Variants in SEPTIN11 observed in about 807,000 individuals in gnomAD.
SEPTIN11 encodes septin 11.
SEPTIN11 carries 25 observed loss-of-function variants against 51.4 expected under a neutral mutation model. That is an observed-to-expected ratio of 0.49 (90% CI 0.35 to 0.68). The LOEUF (loss-of-function observed/expected upper bound fraction) is 0.68, where lower values mean the gene tolerates loss of function less well. Ranked by LOEUF, SEPTIN11 falls within the 30% of genes least tolerant of loss-of-function variation. The pLI is 0.00. For missense variants in SEPTIN11, 381 were observed against 520.8 expected (o/e 0.73, Z 2.61); for synonymous variants, 174 against 184.1 (o/e 0.95, Z 0.44).
intron 8 of SEPTIN11, 92 bp from the exon 9 acceptor site, chr4:77,030,690 TG>T: frequency 8.3e-7 from 1 of 1,206,524 alleles, no homozygotes; most frequent in Non-Finnish European, 1.1e-6. Flanking sequence ...CCACCGTGCC[TG>T]GCCATGTTTT....
rs540176225 is a variant in SEPTIN11 at position 76,962,997 on chromosome 4, G to A, written c.27+13067G>A. On this transcript the variant is annotated intron_variant, in intron 1 of 9. Coordinates refer to ENST00000264893, the MANE Select transcript of SEPTIN11 (RefSeq NM_018243.4). Reference sequence around the variant, plus strand: ...GTGACTTGGCTTTTTGGCCCAAGTGGTGCATTCCAGCTATCCTTTGCTACT... The same window carrying A: ...GTGACTTGGCTTTTTGGCCCAAGTGATGCATTCCAGCTATCCTTTGCTACT... Among the ~76,000 whole-genome samples the A allele has an allele frequency of 8.3e-4, 126 of 152,280 alleles. 1 individual carries two copies. Among genetic ancestry groups the A allele is most frequent in the African/African-American group, 3.0e-3 (124 of 41,548 alleles).
At chr4:76,998,693 C>A (rs1256445379) in intron 2 of SEPTIN11, among the ~76,000 whole-genome samples, 5 of 152,158 alleles carry the variant, frequency 3.3e-5, no homozygotes, top group Admixed American at 3.3e-4. Context: ...CAACGAGCCC[C>A]ATCAGGCCTC....
chr4:76,965,024 C>G (rs144269001), intron 1 of SEPTIN11, among the ~76,000 whole-genome samples: 1 of 152,164 alleles, frequency 6.6e-6, no homozygotes, highest in Non-Finnish European at 1.5e-5. Flanking sequence ...ATTGCTAAGT[C>G]ATTCTTACCT....
chr4:76,956,993 T>TGTGA (rs769320568), intron 1 of SEPTIN11, among the ~76,000 whole-genome samples: 91 of 98,580 alleles, frequency 9.2e-4, no homozygotes, highest in Middle Eastern at 5.4e-3. Context: ...TGTGTGTGTG[T>TGTGA]GAGAGAGAGA....
At chr4:77,025,185 A>AAAGGGTATT (rs1457323055) in intron 7 of SEPTIN11, among the ~76,000 whole-genome samples, 1 of 152,210 alleles carries the variant, frequency 6.6e-6, no homozygotes, top group African/African-American at 2.4e-5. Context: ...CTCACTTAGA[A>AAAGGGTATT]AAGGGTATTA....
At position 77,036,325 on chromosome 4, in the gene SEPTIN11, ATAG is replaced by A; in HGVS notation, c.*1817_*1819del. On this transcript the variant is annotated 3_prime_UTR_variant, in exon 10 of 10. Coordinates refer to ENST00000264893, the MANE Select transcript of SEPTIN11 (RefSeq NM_018243.4). The stretch of plus-strand genomic sequence containing the variant: ...CTGGAGCTAACTGTGGAGCAGCCAA[ATAG>A]TAGCTGGCATGTTGATTCAAACCAT... The A allele has an allele frequency of 9.7e-7, 1 of 1,035,150 alleles. No individual in the cohort carries two copies. The highest frequency in any genetic ancestry group is 1.0e-4 in the East Asian group (1 of 9,708). The allele number at this position is 1,035,150 out of a possible 1,614,324, so 64.1% of individuals were successfully genotyped here.
At chr4:76,993,164 G>A (rs900604205) in intron 1 of SEPTIN11, among the ~76,000 whole-genome samples, 6 of 152,166 alleles carry the variant, frequency 3.9e-5, no homozygotes, top group Admixed American at 3.9e-4. Context: ...CAGAGTTGAT[G>A]GTGGGAGGGG....
At chr4:77,015,141 T>C in intron 5 of SEPTIN11, 124 bp downstream of exon 5, 1 of 805,628 alleles carries the variant, frequency 1.2e-6, no homozygotes, top group Non-Finnish European at 1.9e-6. Context: ...TAGTCCAGCT[T>C]TGCCACCACT....
rs767402064 is a variant in SEPTIN11, at chr4:77,030,738, G to A, written c.1087-45G>A. ...AGATCCAAAGAACTTTACATCAAAA[G>A]GATTTTCATTCCATTCACCAAGCCT... On this transcript the variant is annotated intron_variant, in intron 8 of 9. Transcript: ENST00000264893. 18 of 1,538,620 alleles carry A rather than the reference G, an allele frequency of 1.2e-5. No individual in the cohort carries two copies. In the Admixed American group the frequency reaches 4.1e-4, roughly 35 times the overall value.
chr4:77,039,405 A>G (rs201073151), downstream of SEPTIN11: 1,624 of 1,050,132 alleles, frequency 1.5e-3, 7 homozygotes, highest in East Asian at 9.3e-3. Flanking sequence ...GCTTAGAACT[A>G]TCATGTTCTT....
At chr4:77,010,461 T>G (rs1397201773) in intron 3 of SEPTIN11, among the ~76,000 whole-genome samples, 1 of 151,470 alleles carries the variant, frequency 6.6e-6, no homozygotes. Flanking sequence ...ATCCTACCTT[T>G]TTTTTTTTTT....
chr4:76,964,869 G>T (rs1366266822), intron 1 of SEPTIN11, among the ~76,000 whole-genome samples: 1 of 152,214 alleles, frequency 6.6e-6, no homozygotes, highest in African/African-American at 2.4e-5. Flanking sequence ...TCAAAAGAAA[G>T]CTGAGGATCA....
downstream of SEPTIN11, chr4:77,039,841 C>T (rs1455572848): frequency 1.5e-6 from 1 of 650,008 alleles, no homozygotes; most frequent in Non-Finnish European, 1.9e-6. Context: ...ACTTGCATCC[C>T]TTATATAAGT....
intron 7 of SEPTIN11, among the ~76,000 whole-genome samples, chr4:77,022,542 A>G (rs1043739180): frequency 2.0e-5 from 3 of 152,212 alleles, no homozygotes; most frequent in East Asian, 1.9e-4. Context: ...GCCATAGACC[A>G]TACTGTAAAT....
chr4:77,028,704 A>G lies in SEPTIN11; in HGVS notation c.1029A>G (p.Gln343=). Reference sequence around the variant, plus strand: ...AGAAGAAAGAAGAAGAAATGAGACAAATGTTTGTTATGAGAGTGAAGGAGA... The same window carrying G: ...AGAAGAAAGAAGAAGAAATGAGACAGATGTTTGTTATGAGAGTGAAGGAGA... ...ELQKKEEEMR[Q]MFVMRVKEKE... is the part of the protein sequence containing the mutation. The change falls in exon 8 of 10, where the codon CAA becomes CAG. Residue 343 remains glutamine (Q), a synonymous_variant. Transcript: ENST00000264893. 1 of 1,613,900 alleles carries G rather than the reference A, an allele frequency of 6.2e-7. No homozygotes were observed. Among genetic ancestry groups the G allele is most frequent in the South Asian group, 1.1e-5 (1 of 90,992 alleles).
At chr4:76,985,527 A>G (rs1722980580) in intron 1 of SEPTIN11, among the ~76,000 whole-genome samples, 1 of 152,228 alleles carries the variant, frequency 6.6e-6, no homozygotes, top group Non-Finnish European at 1.5e-5. Context: ...GTGAAACTCT[A>G]GTCCCAGGTA....
chr4:77,022,521 G>A (rs182771175), intron 7 of SEPTIN11, among the ~76,000 whole-genome samples: 13 of 152,208 alleles, frequency 8.5e-5, no homozygotes, highest in African/African-American at 2.6e-4. Context: ...TGCCCTTGTC[G>A]TCCGAAAGCA....
chr4:76,993,310 A>G (rs77760710), intron 1 of SEPTIN11, among the ~76,000 whole-genome samples: 2 of 152,272 alleles, frequency 1.3e-5, no homozygotes, highest in African/African-American at 2.4e-5. Flanking sequence ...ACCCAAGAGA[A>G]GTGTTCCTCT....
intron 1 of SEPTIN11, among the ~76,000 whole-genome samples, chr4:76,995,097 A>AC (rs1387926081): frequency 6.6e-6 from 1 of 151,474 alleles, no homozygotes; most frequent in East Asian, 1.9e-4. Flanking sequence ...AAAAAAAAAA[A>AC]AAATGGCTGG....
Sources: allele counts gnomAD v4.1 joint callset (sites outside exome capture counted in the v4.1 genomes callset), GRCh38; gene constraint gnomAD v4.1.1; transcripts MANE v1.5; gene names NCBI Gene and HGNC (gene_info 2026-07-23, HGNC 2026-07-21).